ZMYM3: variants seen among roughly 807,000 people sequenced by gnomAD.
The protein encoded by ZMYM3 is zinc finger MYM-type protein 3.
Under a neutral mutation model 94.2 loss-of-function variants are expected in ZMYM3, and 6 were observed. The ratio of observed to expected loss-of-function variants is 0.06; its 90% CI spans 0.03 to 0.13. The LOEUF (loss-of-function observed/expected upper bound fraction) is 0.13. Ranked by LOEUF, ZMYM3 falls within the 10% of genes least tolerant of loss-of-function variation. ZMYM3 has a pLI of 1.00. For missense variants in ZMYM3, 664 were observed against 1,132.6 expected, an observed-to-expected ratio of 0.59 and a Z score of 5.94; for synonymous variants, 420 against 426.5, an observed-to-expected ratio of 0.98 and a Z score of 0.19.
chrX:71,247,659 CCCCGAGCTCAGTACCACAG>C (rs2030242456), intron 12 of ZMYM3, 56 bp downstream of exon 12: 2 of 1,161,529 alleles, frequency 1.7e-6, no homozygotes, highest in Middle Eastern at 6.6e-4. Flanking sequence ...TCTGTCCACA[CCCCGAGCTCAGTACCACAG>C]CCCGTGCTCC....
chrX:71,246,424 A>G lies in ZMYM3; in HGVS notation c.2501T>C (p.Met834Thr), dbSNP rs1368611467. The change falls in exon 15 of 25, where the codon ATG (methionine) becomes ACG (threonine). Residue 834 changes from methionine to threonine, a missense_variant. Transcript: ENST00000314425. ...CCGATTCTGCATCAGTGGCTTACAC[A>G]TGGCAGCCTTGTTTTTGCGGGGTGT... ...PATPRKNKAA[M>T]CKPLMQNRGV... The G allele has an allele frequency of 2.0e-6, 2 of 992,906 alleles. No individual in the cohort carries two copies. The highest frequency in any genetic ancestry group is 2.9e-5 in the Admixed American group (1 of 34,917). 81.8% of individuals were successfully genotyped at this position (992,906 alleles called of 1,213,427 possible).
chrX:71,249,796 C>T, intron 6 of ZMYM3, 117 bp from the exon 7 acceptor site: 2 of 1,105,333 alleles, frequency 1.8e-6, no homozygotes, highest in Non-Finnish European at 2.4e-6. Flanking sequence ...GCCCAGGGAC[C>T]CCCCAACCTG....
At chrX:71,255,138 C>A (rs867057149), upstream of ZMYM3, 22 of 87,572 alleles carry the variant, frequency 2.5e-4, no homozygotes, top group Non-Finnish European at 4.2e-4. Context: ...CTCTCTCTCT[C>A]TCTCTCTCTC....
In ZMYM3 at chrX:71,245,371, G is replaced by C; in HGVS notation, c.2975C>G (p.Pro992Arg). ...AVKMANVLDE[P>R]GQDLEADFPK... ...GAAGTCTGCCTCCAAGTCTTGCCCA[G>C]GCTCATCCAAGACATTGGCCATCTT... The change falls in exon 18 of 25, where the codon CCT becomes CGT. Residue 992 changes from proline to arginine, a missense_variant. By Grantham distance (103) the Pro-to-Arg change is moderately radical. Transcript: ENST00000314425. 1 of 1,211,579 alleles carries C rather than the reference G, an allele frequency of 8.3e-7. No individual in the cohort carries two copies. The highest frequency in any genetic ancestry group is 1.1e-6 in the Non-Finnish European group (1 of 895,506).
In ZMYM3 at chrX:71,253,181, T is replaced by C. The variant is rs2030583138; in HGVS notation, c.75A>G (p.Pro25=). The change falls in exon 2 of 25, where the codon CCA becomes CCG. Residue 25 remains proline (P), a synonymous_variant. Coordinates refer to ENST00000314425, the MANE Select transcript of ZMYM3 (RefSeq NM_201599.3). ...GATCCTCTCCAAATTCCATGTCTAC[T>C]GGTAGGTCTCCAGCCAGGGGCTTCT... ...LPEKPLAGDL[P]VDMEFGEDLL... 4 of 1,199,630 alleles carry C rather than the reference T, an allele frequency of 3.3e-6. No homozygotes were observed. Among genetic ancestry groups the C allele is most frequent in the Non-Finnish European group, 4.5e-6 (4 of 889,867 alleles).
At chrX:71,241,529 T>C (rs971548580) in intron 23 of ZMYM3, among the ~76,000 whole-genome samples, 185 bp from the exon 24 acceptor site, 2 of 111,052 alleles carry the variant, frequency 1.8e-5, no homozygotes, top group African/African-American at 6.6e-5. Flanking sequence ...GTCGGGCTGT[T>C]GTTATGCAAC....
intron 18 of ZMYM3, 48 bp downstream of exon 18, chrX:71,245,291 G>A: frequency 2.4e-5 from 29 of 1,193,845 alleles, no homozygotes; most frequent in Non-Finnish European, 3.3e-5. Context: ...CCTTCCTGAT[G>A]GCACAAATGC....
chrX:71,249,956 G>A, intron 6 of ZMYM3, 70 bp downstream of exon 6: 2 of 1,117,579 alleles, frequency 1.8e-6, no homozygotes, highest in South Asian at 4.6e-5. Context: ...GGACCCTGCA[G>A]CCCCAGGATG....
Position 71,250,179 on chromosome X carries a change from C to A in ZMYM3, c.1098G>T (p.Ser366=), listed in dbSNP as rs750569024. Residue 366 remains serine (S), a synonymous_variant, in exon 6 of 25, where the codon TCG becomes TCT. Transcript: ENST00000314425. ...CKKEIWNTKD[S]VVAQTGSGGS... is the part of the protein sequence containing the mutation. ...CTCCAGAACCAGTCTGCGCCACAAC[C>A]GAGTCCTTGGTGTTCCAGATCTCCC... 2 of 1,188,715 alleles carry A rather than the reference C, an allele frequency of 1.7e-6. No homozygotes were observed. Among genetic ancestry groups the A allele is most frequent in the Non-Finnish European group, 2.3e-6 (2 of 885,349 alleles).
At chrX:71,243,285 G>T (rs2030024908) in intron 21 of ZMYM3, among the ~76,000 whole-genome samples, 1 of 111,210 alleles carries the variant, frequency 9.0e-6, no homozygotes, top group Non-Finnish European at 1.9e-5. Context: ...AGAGGAGGAG[G>T]CTTGGAGGAG....
intron 4 of ZMYM3, 143 bp from the exon 5 acceptor site, chrX:71,250,869 A>T: frequency 3.2e-6 from 2 of 615,544 alleles, no homozygotes; most frequent in East Asian, 7.2e-5. Context: ...GTATCTTAAG[A>T]CCTTGGTGTC....
intron 18 of ZMYM3, 26 bp downstream of exon 18, chrX:71,245,313 G>A: frequency 8.3e-7 from 1 of 1,206,743 alleles, no homozygotes; most frequent in African/African-American, 1.7e-5. Context: ...ACCATACTCA[G>A]TGGGCATGGC....
chrX:71,255,085 TCTCTCTCTC>T (rs2030693134), upstream of ZMYM3: 1 of 4,227 alleles, frequency 2.4e-4, no homozygotes, highest in Non-Finnish European at 3.9e-4. Context: ...CCAGGGCTGA[TCTCTCTCTC>T]TCTCTCTCTC....
rs747471034 is a variant in ZMYM3, at chrX:71,246,772, A to G, written c.2315-80T>C. 97 of 944,056 alleles carry G rather than the reference A, an allele frequency of 1.0e-4. No homozygotes were observed. In the South Asian group the frequency reaches 2.3e-3, roughly 22 times the overall value. The allele number at this position is 944,056 out of a possible 1,213,427, so 77.8% of individuals were successfully genotyped here. ...CTTACCCCTGTTCCAGGAGAGCTTC[A>G]TTAACAGGTACACCAAATACAGATG... On this transcript the variant is annotated intron_variant, in intron 13 of 24. Transcript: ENST00000314425.
chrX:71,244,635 T>C (rs1249999805), intron 19 of ZMYM3, among the ~76,000 whole-genome samples, 155 bp downstream of exon 19: 1 of 111,351 alleles, frequency 9.0e-6, no homozygotes, highest in Non-Finnish European at 1.9e-5. Flanking sequence ...CCTTGTGAGA[T>C]GGGGGGAGAG....
chrX:71,243,223 G>C, intron 21 of ZMYM3, 139 bp from the exon 22 acceptor site: 1 of 508,728 alleles, frequency 2.0e-6, no homozygotes. Flanking sequence ...GTGGCCTCGA[G>C]TGCTTTCCCC....
chrX:71,252,423 C>T (rs2030527469), intron 2 of ZMYM3, among the ~76,000 whole-genome samples, 166 bp downstream of exon 2: 2 of 98,591 alleles, frequency 2.0e-5, no homozygotes, highest in African/African-American at 7.4e-5. Flanking sequence ...TCTTCCTCTA[C>T]ACACCACCCC....
Position 71,240,924 on chromosome X carries a change from G to C in ZMYM3, c.4105C>G (p.Leu1369Val), listed in dbSNP as rs755363289. 5.0e-6 allele frequency: 6 copies of C among 1,208,175 alleles called. No individual in the cohort carries two copies. Among genetic ancestry groups the C allele is most frequent in the Non-Finnish European group, 6.7e-6 (6 of 894,057 alleles). The stretch of plus-strand genomic sequence containing the variant: ...ATGGATGGCACACGAGCTCAGTCCA[G>C]GTCTTCCTCCCCAGGACGACCCAGT... ...EELGRPGEED[L>V]D Residue 1369 changes from leucine to valine, a missense_variant, in exon 25 of 25, where the codon CTG becomes GTG. Transcript: ENST00000314425.
Position 71,250,152 on chromosome X carries a change from G to A in ZMYM3, c.1125C>T (p.Gly375=), listed in dbSNP as rs918550197. ...DSVVAQTGSG[G]SFHEFCTSVC... ...CGGATGTGCAGAACTCATGGAAGGAGCCTCCAGAACCAGTCTGCGCCACAA... is the reference window on the plus strand; with the variant it reads ...CGGATGTGCAGAACTCATGGAAGGAACCTCCAGAACCAGTCTGCGCCACAA... The change falls in exon 6 of 25, where the codon GGC becomes GGT. Residue 375 remains glycine, a synonymous_variant. Transcript: ENST00000314425. 1.7e-6 allele frequency: 2 copies of A among 1,205,233 alleles called. No individual in the cohort carries two copies. The highest frequency in any genetic ancestry group is 1.1e-6 in the Non-Finnish European group (1 of 892,571).
Sources: allele counts gnomAD v4.1 joint callset (sites outside exome capture counted in the v4.1 genomes callset), GRCh38; gene constraint gnomAD v4.1.1; transcripts MANE v1.5; gene names NCBI Gene and HGNC (gene_info 2026-07-23, HGNC 2026-07-21).